The following PLD5 variants were observed in gnomAD, a reference collection of about 807,000 sequenced individuals.
PLD5 encodes the protein phospholipase D family member 5, also known as inactive phospholipase D5.
Under a neutral mutation model 61.1 loss-of-function variants are expected in PLD5, and 36 were observed. The ratio of observed to expected loss-of-function variants is 0.59; its 90% CI spans 0.45 to 0.78. PLD5 has a LOEUF of 0.78. Among genes scored for constraint, PLD5 ranks in the 30% least tolerant of loss-of-function variants. PLD5 has a pLI of 0.00. For missense variants in PLD5, 515 were observed against 644.4 expected, an observed-to-expected ratio of 0.80 and a Z score of 2.17; for synonymous variants, 243 against 242.8, an observed-to-expected ratio of 1.00 and a Z score of -0.01.
At chr1:242,099,360 C>T (rs1178217456) in intron 9 of PLD5, among the ~76,000 whole-genome samples, 2 of 152,186 alleles carry the variant, frequency 1.3e-5, no homozygotes, top group African/African-American at 4.8e-5. Flanking sequence ...CTCCTGACCT[C>T]AGGTGATCCA....
At chr1:242,252,816 C>CT (rs71176729) in intron 4 of PLD5, among the ~76,000 whole-genome samples, 2,897 of 120,632 alleles carry the variant, frequency 0.024, 76 homozygotes, top group Admixed American at 0.045. Context: ...TCTTCAGTGC[C>CT]TTTTTTTTTT....
Position 242,362,942 on chromosome 1 carries a change from A to G in PLD5, c.190-14700T>C, listed in dbSNP as rs531377920. 5.9e-5 allele frequency among the ~76,000 whole-genome samples: 9 copies of G among 152,250 alleles called. No individual in the cohort carries two copies. The South Asian group carries it at 6.2e-4, about 11-fold the overall frequency. On this transcript the variant is annotated intron_variant, in intron 1 of 9. Coordinates refer to ENST00000536534, the MANE Select transcript of PLD5 (RefSeq NM_001372062.1). ...CCCACACTGAGTGAGCTTCCTTGCC[A>G]TGGCACAGAAAAGCAGGACCTCGAA...
At chr1:242,106,860 G>GAT (rs1479522889) in intron 8 of PLD5, among the ~76,000 whole-genome samples, 29 of 152,314 alleles carry the variant, frequency 1.9e-4, no homozygotes, top group Non-Finnish European at 5.9e-5. Flanking sequence ...TATGAGGTGG[G>GAT]TAAACATGGA....
chr1:242,139,810 T>C (rs1256404629), intron 5 of PLD5, among the ~76,000 whole-genome samples: 1 of 152,132 alleles, frequency 6.6e-6, no homozygotes, highest in African/African-American at 2.4e-5. Flanking sequence ...CTGCAATCAG[T>C]GGTCATTGGG....
intron 1 of PLD5, among the ~76,000 whole-genome samples, chr1:242,481,107 C>T (rs1394330388): frequency 1.3e-5 from 2 of 152,174 alleles, no homozygotes; most frequent in African/African-American, 2.4e-5. Flanking sequence ...ATAGGAACTG[C>T]TCCAGTGTAC....
At chr1:242,309,322 G>GAAC (rs112422963) in intron 2 of PLD5, among the ~76,000 whole-genome samples, 2 of 151,302 alleles carry the variant, frequency 1.3e-5, no homozygotes, top group Admixed American at 1.3e-4. Context: ...CAACAAAACA[G>GAAC]AACAACAACA....
intron 4 of PLD5, among the ~76,000 whole-genome samples, chr1:242,232,334 T>C (rs1307111520): frequency 6.6e-6 from 1 of 152,202 alleles, no homozygotes; most frequent in Non-Finnish European, 1.5e-5. Flanking sequence ...AATTTGTATA[T>C]CTAGCAAATA....
At chr1:242,445,112 G>A (rs1025835595) in intron 1 of PLD5, among the ~76,000 whole-genome samples, 1 of 152,158 alleles carries the variant, frequency 6.6e-6, no homozygotes, top group African/African-American at 2.4e-5. Context: ...GATAGTATTA[G>A]AAGGTAGGGC....
Position 242,220,133 on chromosome 1 carries a change from G to A in PLD5, c.608-18C>T. 1 of 1,613,504 alleles carries A rather than the reference G, an allele frequency of 6.2e-7. No individual in the cohort carries two copies. Among genetic ancestry groups the A allele is most frequent in the South Asian group, 1.1e-5 (1 of 91,016 alleles). On this transcript the variant is annotated intron_variant, in intron 4 of 9. Transcript: ENST00000536534. ...CTCGGCTCCTAGGAGTTCAAGGACA[G>A]TCTGGTCAGCCTCTGCGTCAAGGCC...
At chr1:242,145,868 G>C (rs527600070) in intron 5 of PLD5, among the ~76,000 whole-genome samples, 6 of 152,294 alleles carry the variant, frequency 3.9e-5, no homozygotes, top group Admixed American at 2.6e-4. Context: ...TAGAGACAGG[G>C]TTTTGCCACA....
At chr1:242,261,995 A>G (rs1341148694) in intron 4 of PLD5, among the ~76,000 whole-genome samples, 2 of 152,226 alleles carry the variant, frequency 1.3e-5, no homozygotes, top group East Asian at 1.9e-4. Flanking sequence ...ACAGAAATGT[A>G]TATGTGTAGG....
rs1384094706 is a variant in PLD5 at position 242,085,663 on chromosome 1, G to A, written c.*4191C>T. 1 of 152,162 alleles carries A rather than the reference G, an allele frequency of 6.6e-6. No individual in the cohort carries two copies. Among genetic ancestry groups the A allele is most frequent in the Non-Finnish European group, 1.5e-5 (1 of 68,034 alleles). 9.4% of individuals were successfully genotyped at this position (152,162 alleles called of 1,614,324 possible). ...ATAATAAAGCACACCAGTTCATTGG[G>A]AACAAGTACAGAAAGATAAAAGAAT... On this transcript the variant is annotated 3_prime_UTR_variant, in exon 10 of 10. Transcript: ENST00000536534.
rs1659563330 is a variant in PLD5 at position 242,088,232 on chromosome 1, T to G, written c.*1622A>C. ...GACGTCTAGTTTTGTGTTGATGTTA[T>G]TCATGCCAAAGCAGCCCAACGCAAT... On this transcript the variant is annotated 3_prime_UTR_variant, in exon 10 of 10. Coordinates refer to ENST00000536534, the MANE Select transcript of PLD5 (RefSeq NM_001372062.1). 1 of 152,212 alleles carries G rather than the reference T, an allele frequency of 6.6e-6. No individual in the cohort carries two copies. Among genetic ancestry groups the G allele is most frequent in the Non-Finnish European group, 1.5e-5 (1 of 68,032 alleles). The allele number at this position is 152,212 out of a possible 1,614,324, so 9.4% of individuals were successfully genotyped here. A position where few individuals can be genotyped will look rare whatever the true frequency, so the allele number is the denominator to read the frequency against.
At chr1:242,298,058 G>A (rs12131818) in intron 2 of PLD5, among the ~76,000 whole-genome samples, 8,696 of 152,218 alleles carry the variant, frequency 0.057, 293 homozygotes, top group Middle Eastern at 0.11. Flanking sequence ...TCCTTTTGAT[G>A]TATTTCTTTC....
chr1:242,376,212 C>T (rs1661944450), intron 1 of PLD5, among the ~76,000 whole-genome samples: 1 of 152,286 alleles, frequency 6.6e-6, no homozygotes, highest in South Asian at 2.1e-4. Flanking sequence ...CTTCCCCATT[C>T]CTCAAAATGG....
At chr1:242,284,793 C>T (rs756199401) in intron 3 of PLD5, among the ~76,000 whole-genome samples, 2 of 152,174 alleles carry the variant, frequency 1.3e-5, no homozygotes, top group Non-Finnish European at 2.9e-5. Context: ...CAGGGACAGA[C>T]AGGTATGGCG....
At chr1:242,241,991 C>CTATATATATATATATA (rs71579089) in intron 4 of PLD5, among the ~76,000 whole-genome samples, 1 of 115,318 alleles carries the variant, frequency 8.7e-6, no homozygotes, top group African/African-American at 3.3e-5. Context: ...TATATACTTA[C>CTATATATATATATATA]TATATATATA....
chr1:242,194,828 G>A (rs1209803309), intron 5 of PLD5, among the ~76,000 whole-genome samples: 1 of 152,136 alleles, frequency 6.6e-6, no homozygotes, highest in Non-Finnish European at 1.5e-5. Flanking sequence ...GCCAAACTAT[G>A]AGGATGCAAA....
At chr1:242,325,471 G>T in intron 2 of PLD5, among the ~76,000 whole-genome samples, 1 of 138,306 alleles carries the variant, frequency 7.2e-6, no homozygotes, top group Non-Finnish European at 1.6e-5. Flanking sequence ...GACAGAGAGA[G>T]TAGGGGGGAG....
Sources: allele counts gnomAD v4.1 joint callset (sites outside exome capture counted in the v4.1 genomes callset), GRCh38; gene constraint gnomAD v4.1.1; transcripts MANE v1.5; gene names NCBI Gene and HGNC (gene_info 2026-07-23, HGNC 2026-07-21).